DENND1A: variants seen among roughly 807,000 people sequenced by gnomAD.
The protein encoded by DENND1A is DENN domain-containing protein 1A.
A neutral mutation model predicts 113.7 loss-of-function variants in DENND1A; 51 were observed. The observed-to-expected ratio is 0.45, with a 90% CI of 0.36 to 0.57. DENND1A has a LOEUF of 0.57. Among genes scored for constraint, DENND1A ranks in the 20% least tolerant of loss-of-function variants. DENND1A has a pLI of 0.00. For synonymous variants in DENND1A, 565 were observed against 570.8 expected (o/e 0.99, Z 0.14); for missense variants, 1,258 against 1,395.9 (o/e 0.90, Z 1.57).
At chr9:123,573,943 G>T (rs540397435) in intron 12 of DENND1A, among the ~76,000 whole-genome samples, 3 of 150,754 alleles carry the variant, frequency 2.0e-5, no homozygotes, top group South Asian at 4.3e-4. Context: ...TTTTCTAGGA[G>T]TTCTTATCAT....
rs149836252 is a variant in DENND1A, at chr9:123,620,630, G to A, written c.719+9746C>T. Among the ~76,000 whole-genome samples the A allele has an allele frequency of 1.5e-3, 224 of 152,212 alleles. 2 individuals are homozygous for A. The highest frequency in any genetic ancestry group is 2.7e-3 in the Non-Finnish European group (185 of 68,006). ...TCAAGTTTAGCCAAATCTCAGTTGA[G>A]GAATTACCTAACTAGTAATCTATGA... On this transcript the variant is annotated intron_variant, in intron 10 of 23. Transcript: ENST00000394215.
chr9:123,835,305 G>A (rs1840890575), intron 2 of DENND1A, among the ~76,000 whole-genome samples: 1 of 152,078 alleles, frequency 6.6e-6, no homozygotes, highest in Admixed American at 6.5e-5. Context: ...GTCAGGGTAG[G>A]GACACTAGCT....
chr9:123,888,945 C>T (rs1849493664), intron 1 of DENND1A, among the ~76,000 whole-genome samples: 1 of 138,140 alleles, frequency 7.2e-6, no homozygotes, highest in Non-Finnish European at 1.5e-5. Flanking sequence ...AGGTCAATAC[C>T]GTGCTTTAAA....
At chr9:123,561,065 G>A (rs1442556154) in intron 12 of DENND1A, among the ~76,000 whole-genome samples, 1 of 152,112 alleles carries the variant, frequency 6.6e-6, no homozygotes. Flanking sequence ...CCCTCCCAGG[G>A]ACTACAGTGA....
rs1315985964 is a variant in DENND1A at position 123,827,390 on chromosome 9, A to AT, written c.89-34761dup. On this transcript the variant is annotated intron_variant, in intron 2 of 23. Transcript: ENST00000394215. ...CTTGAATAATTTCATTAATGGATAT[A>AT]TAATATATATATATATATATATATA... 6.3e-3 allele frequency among the ~76,000 whole-genome samples: 778 copies of AT among 123,924 alleles called. 5 individuals are homozygous for AT. Among genetic ancestry groups the AT allele is most frequent in the Non-Finnish European group, 9.1e-3 (572 of 62,586 alleles). 81.3% of individuals were successfully genotyped at this position (123,924 alleles called of 152,430 possible). A position where few individuals can be genotyped will look rare whatever the true frequency, so the allele number is the denominator to read the frequency against.
intron 13 of DENND1A, among the ~76,000 whole-genome samples, chr9:123,512,210 C>T (rs1392687141): frequency 6.6e-6 from 1 of 152,194 alleles, no homozygotes; most frequent in Non-Finnish European, 1.5e-5. Flanking sequence ...ATCACAGCCC[C>T]GGCTCCTCAC....
intron 22 of DENND1A, 98 bp downstream of exon 22, chr9:123,387,632 C>T (rs1336214307): frequency 1.5e-5 from 18 of 1,236,194 alleles, no homozygotes; most frequent in Middle Eastern, 2.4e-4. Context: ...ACCCTCCCCC[C>T]GACACAAAGG....
chr9:123,825,176 C>T (rs1839112950), intron 2 of DENND1A, among the ~76,000 whole-genome samples: 1 of 151,994 alleles, frequency 6.6e-6, no homozygotes, highest in Non-Finnish European at 1.5e-5. Context: ...AATTAACTTA[C>T]ACTTATTGAT....
intron 12 of DENND1A, among the ~76,000 whole-genome samples, chr9:123,563,360 C>CAGAGGACAGTGTTTT (rs1346873175): frequency 6.6e-6 from 1 of 152,214 alleles, no homozygotes; most frequent in Non-Finnish European, 1.5e-5. Context: ...CCTCTGTCCC[C>CAGAGGACAGTGTTTT]ACTGCACTCC....
intron 10 of DENND1A, among the ~76,000 whole-genome samples, chr9:123,611,922 T>A (rs2060435440): frequency 6.6e-6 from 1 of 152,218 alleles, no homozygotes; most frequent in Admixed American, 6.5e-5. Context: ...GAACTCATTC[T>A]TCAAGTATCT....
intron 11 of DENND1A, among the ~76,000 whole-genome samples, chr9:123,605,926 T>C (rs2060134731): frequency 6.6e-6 from 1 of 152,242 alleles, no homozygotes; most frequent in Non-Finnish European, 1.5e-5. Context: ...AAGGTGCCTA[T>C]AGCTTTCAAG....
chr9:123,745,024 C>T (rs1229261651), intron 5 of DENND1A, among the ~76,000 whole-genome samples: 3 of 152,150 alleles, frequency 2.0e-5, no homozygotes, highest in African/African-American at 7.2e-5. Flanking sequence ...GATCGACCCG[C>T]CTCGGCCTCC....
At chr9:123,678,861 T>G (rs147695253) in intron 5 of DENND1A, among the ~76,000 whole-genome samples, 1 of 152,346 alleles carries the variant, frequency 6.6e-6, no homozygotes, top group African/African-American at 2.4e-5. Context: ...GGCAGAGTAA[T>G]GTAAACATTC....
intron 5 of DENND1A, among the ~76,000 whole-genome samples, chr9:123,714,684 A>G (rs7851425): frequency 0.25 from 37,558 of 152,050 alleles, 7,524 homozygotes; most frequent in African/African-American, 0.55. Context: ...CATGAGAAAA[A>G]CAGCACAGTT....
chr9:123,413,645 T>G (rs930649014), intron 19 of DENND1A: 3 of 985,462 alleles, frequency 3.0e-6, no homozygotes, highest in Non-Finnish European at 3.6e-6. Flanking sequence ...CACGATGGGA[T>G]AGAATGACAC....
intron 12 of DENND1A, among the ~76,000 whole-genome samples, chr9:123,565,142 C>T (rs2057983072): frequency 6.6e-6 from 1 of 152,116 alleles, no homozygotes; most frequent in Non-Finnish European, 1.5e-5. Flanking sequence ...CAGGCATGTG[C>T]CACCACGCCC....
At chr9:123,675,929 C>T (rs1035596107) in intron 6 of DENND1A, among the ~76,000 whole-genome samples, 1 of 152,092 alleles carries the variant, frequency 6.6e-6, no homozygotes, top group East Asian at 1.9e-4. Context: ...CTCATAGATG[C>T]GAATGGTTAC....
intron 5 of DENND1A, among the ~76,000 whole-genome samples, chr9:123,736,641 A>C (rs934456314): frequency 6.6e-6 from 1 of 152,230 alleles, no homozygotes; most frequent in African/African-American, 2.4e-5. Context: ...AATCCCTCTG[A>C]TCATGCATCT....
At chr9:123,387,661 C>T (rs558191946) in intron 22 of DENND1A, 69 bp downstream of exon 22, 20 of 1,273,438 alleles carry the variant, frequency 1.6e-5, no homozygotes, top group South Asian at 1.2e-4. Context: ...ACCAGCCCCC[C>T]GCTTTCGCCA....
Sources: allele counts gnomAD v4.1 joint callset (sites outside exome capture counted in the v4.1 genomes callset), GRCh38; gene constraint gnomAD v4.1.1; transcripts MANE v1.5; gene names NCBI Gene and HGNC (gene_info 2026-07-23, HGNC 2026-07-21).